Variants in EYA2 observed in about 807,000 individuals in gnomAD.
EYA2 encodes the protein protein phosphatase EYA2.
In EYA2, 31 loss-of-function variants were observed where a neutral mutation model predicts 69.2. The observed-to-expected ratio is 0.45, with a 90% CI of 0.34 to 0.60. EYA2 has a LOEUF of 0.60. Among genes scored for constraint, EYA2 ranks in the 20% least tolerant of loss-of-function variants. The pLI is 0.02. For missense variants in EYA2, 622 were observed against 701.2 expected (o/e 0.89, Z 1.28); for synonymous variants, 257 against 279.4 (o/e 0.92, Z 0.80).
intron 5 of EYA2, among the ~76,000 whole-genome samples, chr20:47,046,597 G>A (rs1024216299): frequency 4.0e-5 from 6 of 151,622 alleles, no homozygotes; most frequent in Non-Finnish European, 8.9e-5. Context: ...GGCTTGTGTA[G>A]GGGGGTGGGC....
chr20:47,093,851 C>T (rs1301234324), intron 8 of EYA2, among the ~76,000 whole-genome samples: 1 of 152,238 alleles, frequency 6.6e-6, no homozygotes, highest in East Asian at 1.9e-4. Context: ...CTGAGTCACG[C>T]AGGCCTGGGT....
At chr20:47,039,321 A>G (rs1984906823) in intron 5 of EYA2, among the ~76,000 whole-genome samples, 1 of 152,238 alleles carries the variant, frequency 6.6e-6, no homozygotes, top group Non-Finnish European at 1.5e-5. Flanking sequence ...TGGCACATGA[A>G]AATGATATGA....
chr20:47,086,821 TTG>T (rs1405924125), intron 7 of EYA2, among the ~76,000 whole-genome samples: 1 of 151,850 alleles, frequency 6.6e-6, no homozygotes, highest in African/African-American at 2.4e-5. Flanking sequence ...GTTTTTTTTT[TTG>T]GCACCCCTGC....
intron 7 of EYA2, among the ~76,000 whole-genome samples, chr20:47,082,540 C>G (rs2031758970): frequency 6.6e-6 from 1 of 152,146 alleles, no homozygotes; most frequent in Non-Finnish European, 1.5e-5. Flanking sequence ...TGACTTTACA[C>G]TAAAACCTAT....
chr20:47,062,014 A>C (rs952265739), intron 5 of EYA2, among the ~76,000 whole-genome samples: 1 of 152,110 alleles, frequency 6.6e-6, no homozygotes, highest in Non-Finnish European at 1.5e-5. Flanking sequence ...CTTGGGCTCC[A>C]TGATCCACGA....
At chr20:46,950,328 ATAATC>A (rs1315659747) in intron 1 of EYA2, among the ~76,000 whole-genome samples, 1 of 152,202 alleles carries the variant, frequency 6.6e-6, no homozygotes, top group East Asian at 1.9e-4. Context: ...CAACCATAAA[ATAATC>A]TAAGGAGTCT....
intron 9 of EYA2, among the ~76,000 whole-genome samples, chr20:47,130,786 GT>G (rs1433329427): frequency 2.0e-5 from 3 of 152,022 alleles, no homozygotes; most frequent in African/African-American, 7.2e-5. Context: ...AGTATATTCA[GT>G]ATTTATCAAA....
chr20:47,181,041 T>C (rs2034528282), intron 14 of EYA2, 105 bp downstream of exon 14: 1 of 1,473,352 alleles, frequency 6.8e-7, no homozygotes, highest in African/African-American at 1.4e-5. Flanking sequence ...CAGAAATGGA[T>C]GGAGTGTGCC....
At chr20:46,903,655 G>A (rs1305093750) in intron 1 of EYA2, among the ~76,000 whole-genome samples, 1 of 152,172 alleles carries the variant, frequency 6.6e-6, no homozygotes, top group Non-Finnish European at 1.5e-5. Flanking sequence ...AAAGCAGGGT[G>A]AATAATAATG....
intron 1 of EYA2, among the ~76,000 whole-genome samples, chr20:46,948,802 C>T (rs891001760): frequency 3.9e-5 from 6 of 152,192 alleles, no homozygotes; most frequent in Non-Finnish European, 8.8e-5. Context: ...GTATTATGTT[C>T]ACTTCTCTAA....
intron 1 of EYA2, among the ~76,000 whole-genome samples, chr20:46,968,908 G>A (rs148801298): frequency 3.3e-4 from 50 of 152,254 alleles, no homozygotes; most frequent in African/African-American, 1.2e-3. Context: ...TCTGTAAAAT[G>A]AGGGGACAGT....
At chr20:47,034,005 C>G (rs1008423393) in intron 5 of EYA2, among the ~76,000 whole-genome samples, 3 of 152,232 alleles carry the variant, frequency 2.0e-5, no homozygotes, top group Non-Finnish European at 1.5e-5. Context: ...TTTCTGTCAT[C>G]TTTCAGCCCT....
chr20:47,115,780 C>T (rs6094596), intron 9 of EYA2, among the ~76,000 whole-genome samples: 37,894 of 152,140 alleles, frequency 0.25, 5,237 homozygotes, highest in African/African-American at 0.37. Context: ...GGTGGAGAAC[C>T]CTGCAGTGAT....
At chr20:46,958,592 C>T (rs763802590) in intron 1 of EYA2, among the ~76,000 whole-genome samples, 14 of 152,068 alleles carry the variant, frequency 9.2e-5, no homozygotes, top group African/African-American at 3.4e-4. Flanking sequence ...TGTGCAGGTT[C>T]GTTCTATAGG....
chr20:47,050,026 G>C (rs573576273), intron 5 of EYA2, among the ~76,000 whole-genome samples: 1 of 152,184 alleles, frequency 6.6e-6, no homozygotes, highest in Non-Finnish European at 1.5e-5. Context: ...CATAAGTGAC[G>C]TTGCACCCTC....
intron 7 of EYA2, among the ~76,000 whole-genome samples, chr20:47,082,284 A>T (rs1170128713): frequency 6.6e-6 from 1 of 152,180 alleles, no homozygotes; most frequent in African/African-American, 2.4e-5. Context: ...ATTTTTTAAA[A>T]ATAAGAAAAG....
chr20:47,076,598 C>T (rs1052319683), intron 7 of EYA2, among the ~76,000 whole-genome samples: 3 of 152,072 alleles, frequency 2.0e-5, no homozygotes, highest in Non-Finnish European at 4.4e-5. Flanking sequence ...TTAGGAAACC[C>T]TTTTGATTAG....
intron 8 of EYA2, among the ~76,000 whole-genome samples, chr20:47,090,996 G>A (rs1040109668): frequency 6.6e-6 from 1 of 151,998 alleles, no homozygotes; most frequent in South Asian, 2.1e-4. Context: ...TAGGTGTCTC[G>A]GTAGGATTGT....
In EYA2 at chr20:47,142,419, G is replaced by A. The variant is rs1428535862; in HGVS notation, c.889-640G>A. Among the ~76,000 whole-genome samples the A allele has an allele frequency of 2.6e-5, 4 of 152,328 alleles. No homozygotes were observed. In the East Asian group the frequency reaches 5.8e-4, roughly 22 times the overall value. The stretch of plus-strand genomic sequence containing the variant: ...CAGCTTGCTTTTGTTACTTAGTACT[G>A]TATCTCTTGATGACAGTTTCATATC... On this transcript the variant is annotated intron_variant, in intron 9 of 15. Coordinates refer to ENST00000327619, the MANE Select transcript of EYA2 (RefSeq NM_005244.5).
Sources: gnomAD v4.1 joint callset for allele counts (sites outside exome capture counted in the v4.1 genomes callset) on GRCh38, gnomAD v4.1.1 for gene constraint, MANE v1.5 for transcripts, NCBI Gene and HGNC (gene_info 2026-07-23, HGNC 2026-07-21) for gene names.